AUTS2: variants seen among roughly 807,000 people sequenced by gnomAD.
The protein encoded by AUTS2 is activator of transcription and developmental regulator AUTS2.
Under a neutral mutation model 112.4 loss-of-function variants are expected in AUTS2, and 17 were observed. That is an observed-to-expected ratio of 0.15 (90% confidence interval 0.10 to 0.23). The LOEUF (loss-of-function observed/expected upper bound fraction) is 0.23, where lower values mean the gene tolerates loss of function less well. AUTS2 is among the 10% of genes least tolerant of loss of function. AUTS2 has a pLI of 1.00. For synonymous variants in AUTS2, 751 were observed against 702.7 expected, an observed-to-expected ratio of 1.07 and a Z score of -1.09; for missense variants, 1,510 against 1,701.6, an observed-to-expected ratio of 0.89 and a Z score of 1.98.
chr7:69,908,580 T>C (rs1390491918), intron 2 of AUTS2, among the ~76,000 whole-genome samples: 1 of 152,180 alleles, frequency 6.6e-6, no homozygotes, highest in Non-Finnish European at 1.5e-5. Context: ...CCATGTGGCC[T>C]TCTGGAACAT....
At chr7:70,246,935 G>T (rs1030032474) in intron 4 of AUTS2, among the ~76,000 whole-genome samples, 1 of 150,706 alleles carries the variant, frequency 6.6e-6, no homozygotes, top group Non-Finnish European at 1.5e-5. Flanking sequence ...TATTAGATTT[G>T]TTCCCAGGTA....
At chr7:70,544,024 C>T (rs1234185889) in intron 5 of AUTS2, among the ~76,000 whole-genome samples, 1 of 152,184 alleles carries the variant, frequency 6.6e-6, no homozygotes, top group Non-Finnish European at 1.5e-5. Flanking sequence ...GCTGGGATGT[C>T]TGCCCCAGTA....
chr7:69,978,914 A>ACACACACG (rs1469560687), intron 2 of AUTS2, among the ~76,000 whole-genome samples: 1 of 148,586 alleles, frequency 6.7e-6, no homozygotes, highest in East Asian at 2.0e-4. Flanking sequence ...ACACACGCAC[A>ACACACACG]CACACACGCA....
chr7:70,793,240 T>C lies in AUTS2; in HGVS notation c.*2244T>C, dbSNP rs2129562143. ...AAAACTCAGCGAAAGTGTTTGCTTT[T>C]CCAGCAGTGATGAGAATTCTGACCT... On this transcript the variant is annotated 3_prime_UTR_variant, in exon 19 of 19. Coordinates refer to ENST00000342771, the MANE Select transcript of AUTS2 (RefSeq NM_015570.4). 6.6e-6 allele frequency: 1 copy of C among 152,346 alleles called. No homozygotes were observed. The highest frequency in any genetic ancestry group is 1.9e-4 in the East Asian group (1 of 5,186). The allele number at this position is 152,346 out of a possible 1,614,324, so 9.4% of individuals were successfully genotyped here. A position where few individuals can be genotyped will look rare whatever the true frequency, so the allele number is the denominator to read the frequency against.
At chr7:70,554,432 C>T (rs1480820305) in intron 5 of AUTS2, among the ~76,000 whole-genome samples, 1 of 135,296 alleles carries the variant, frequency 7.4e-6, no homozygotes, top group African/African-American at 2.9e-5. Context: ...GTCATGCATG[C>T]AGGCTGGTCA....
intron 5 of AUTS2, among the ~76,000 whole-genome samples, chr7:70,673,763 T>C (rs1410372272): frequency 1.3e-5 from 2 of 152,190 alleles, no homozygotes; most frequent in African/African-American, 4.8e-5. Flanking sequence ...CATCTTTATA[T>C]CCTGGTGCCA....
chr7:70,108,783 C>CAAAAAAAAAAAAAAAAAAAAAAA (rs528009205), intron 2 of AUTS2, among the ~76,000 whole-genome samples: 1 of 69,184 alleles, frequency 1.4e-5, no homozygotes, highest in African/African-American at 5.4e-5. Flanking sequence ...GCCAACATGG[C>CAAAAAAAAAAAAAAAAAAAAAAA]AAAAAAAAAA....
intron 4 of AUTS2, among the ~76,000 whole-genome samples, chr7:70,152,901 T>C (rs1305055517): frequency 6.6e-6 from 1 of 152,184 alleles, no homozygotes; most frequent in African/African-American, 2.4e-5. Context: ...TGCAACTCTT[T>C]TACACACTAG....
At chr7:69,899,006 C>G (rs970948638) in intron 1 of AUTS2, among the ~76,000 whole-genome samples, 1 of 152,186 alleles carries the variant, frequency 6.6e-6, no homozygotes, top group African/African-American at 2.4e-5. Flanking sequence ...CAGAAAGCTG[C>G]TATCCCAGGG....
chr7:70,362,739 T>C (rs1240118468), intron 4 of AUTS2, among the ~76,000 whole-genome samples: 2 of 152,194 alleles, frequency 1.3e-5, no homozygotes, highest in African/African-American at 2.4e-5. Flanking sequence ...ATCAACATTG[T>C]ACATTCTAAC....
chr7:70,546,677 G>T (rs1214106089), intron 5 of AUTS2, among the ~76,000 whole-genome samples: 3 of 151,736 alleles, frequency 2.0e-5, no homozygotes, highest in Admixed American at 1.3e-4. Context: ...TGCTGGGGAG[G>T]CTGAGGCAGG....
intron 2 of AUTS2, among the ~76,000 whole-genome samples, chr7:69,981,844 G>T (rs189606242): frequency 6.6e-6 from 1 of 152,100 alleles, no homozygotes; most frequent in Non-Finnish European, 1.5e-5. Context: ...ACATATACTC[G>T]TTCTACCACT....
intron 4 of AUTS2, among the ~76,000 whole-genome samples, chr7:70,352,263 A>T (rs1585047698): frequency 6.6e-6 from 1 of 152,144 alleles, no homozygotes; most frequent in Non-Finnish European, 1.5e-5. Context: ...GGTTTGTTTC[A>T]GTTGTCAGTT....
At chr7:70,279,484 A>G (rs1788100791) in intron 4 of AUTS2, among the ~76,000 whole-genome samples, 1 of 152,218 alleles carries the variant, frequency 6.6e-6, no homozygotes, top group South Asian at 2.1e-4. Context: ...AAGATCAGAT[A>G]GATGTTCGGC....
Position 70,790,439 on chromosome 7 carries a change from T to A in AUTS2, c.3223T>A (p.Leu1075Met). Residue 1075 changes from leucine (L) to methionine (M), a missense_variant, in exon 19 of 19, where the codon TTG (leucine) becomes ATG (methionine). Around this residue, in one of 3 missense-constraint regions of AUTS2, gnomAD observed 788 missense variants for 797.6 expected, o/e 0.99. Coordinates refer to ENST00000342771, the MANE Select transcript of AUTS2 (RefSeq NM_015570.4). The surrounding 1 kb of genome is among the most constrained non-coding windows in gnomAD (Gnocchi z 7.6). ...SFHWDPIRDP[L>M]RDPYRELDIH... Reference sequence around the variant, plus strand: ...CCACTGGGACCCCATCCGGGACCCCTTGAGGGATCCTTACCGAGAACTTGA... The same window carrying A: ...CCACTGGGACCCCATCCGGGACCCCATGAGGGATCCTTACCGAGAACTTGA... The A allele has an allele frequency of 6.2e-7, 1 of 1,612,456 alleles. No homozygotes were observed. The highest frequency in any genetic ancestry group is 8.5e-7 in the Non-Finnish European group (1 of 1,179,252).
At chr7:69,698,303 GGT>G (rs1797645139) in intron 1 of AUTS2, among the ~76,000 whole-genome samples, 1 of 152,130 alleles carries the variant, frequency 6.6e-6, no homozygotes, top group East Asian at 1.9e-4. Flanking sequence ...ACCAGTGACA[GGT>G]TATGGTGCTT....
At position 69,871,296 on chromosome 7, in the gene AUTS2, T is replaced by G. The variant is rs144878390; in HGVS notation, c.310-27990T>G. On this transcript the variant is annotated intron_variant, in intron 1 of 18. Transcript: ENST00000342771. The stretch of plus-strand genomic sequence containing the variant: ...TCTGCCTTTAAATTGAAGTTTTGAT[T>G]TGAAGGGAAAGTATAGGCTCCCAAG... Among the ~76,000 whole-genome samples, 274 of 152,322 alleles carry G rather than the reference T, an allele frequency of 1.8e-3. 1 individual carries two copies. The highest frequency in any genetic ancestry group is 6.8e-3 in the Middle Eastern group (2 of 294).
rs182167349 is a variant in AUTS2 at position 69,792,332 on chromosome 7, C to T, written c.310-106954C>T. 4.2e-3 allele frequency among the ~76,000 whole-genome samples: 641 copies of T among 152,056 alleles called. 7 individuals carry two copies. The highest frequency in any genetic ancestry group is 0.012 in the East Asian group (64 of 5,168). ...TCTGCTCACTGCAAGCTCCGCCTCC[C>T]GGGTTCATGCCATTCTCCTGCCTCA... On this transcript the variant is annotated intron_variant, in intron 1 of 18. Coordinates refer to ENST00000342771, the MANE Select transcript of AUTS2 (RefSeq NM_015570.4).
At chr7:69,642,568 C>T (rs73439053) in intron 1 of AUTS2, among the ~76,000 whole-genome samples, 1,738 of 152,242 alleles carry the variant, frequency 0.011, 44 homozygotes, top group African/African-American at 0.04. Flanking sequence ...AGCTCAGTGA[C>T]GAGTGTATTC....
Sources: allele counts gnomAD v4.1 joint callset (sites outside exome capture counted in the v4.1 genomes callset), GRCh38; gene constraint gnomAD v4.1.1; regional missense constraint gnomAD v4.1.1; non-coding constraint Gnocchi (gnomAD v3.1); transcripts MANE v1.5; gene names NCBI Gene and HGNC (gene_info 2026-07-23, HGNC 2026-07-21).